Variants in GPR22 observed in about 807,000 individuals in gnomAD.
GPR22 encodes the protein G-protein coupled receptor 22.
A neutral mutation model predicts 31.0 loss-of-function variants in GPR22; 13 were observed. The ratio of observed to expected loss-of-function variants is 0.42; its 90% CI spans 0.27 to 0.67. GPR22 has a LOEUF of 0.67. Among genes scored for constraint, GPR22 ranks in the 30% least tolerant of loss-of-function variants. The pLI is 0.25. For synonymous variants in GPR22, 191 were observed against 173.4 expected, an observed-to-expected ratio of 1.10 and a Z score of -0.80; for missense variants, 368 against 509.6, an observed-to-expected ratio of 0.72 and a Z score of 2.67.
At chr7:107,476,330 T>C (rs1486659905), downstream of GPR22, among the ~76,000 whole-genome samples, 1 of 150,824 alleles carries the variant, frequency 6.6e-6, no homozygotes, top group Admixed American at 6.6e-5. Flanking sequence ...TAAATCATTA[T>C]AGAAAAGTCT....
At position 107,474,283 on chromosome 7, in the gene GPR22, T is replaced by C. The variant is rs1197358328; in HGVS notation, c.223T>C (p.Ser75Pro). 2 of 1,611,930 alleles carry C rather than the reference T, an allele frequency of 1.2e-6. No homozygotes were observed. Among genetic ancestry groups the C allele is most frequent in the Admixed American group, 1.7e-5 (1 of 59,940 alleles). ...CTGCATGAAATCCAACTTAATCAACTCTGTCAGTAACATTATTACAATGAA... is the reference window on the plus strand; with the variant it reads ...CTGCATGAAATCCAACTTAATCAACCCTGTCAGTAACATTATTACAATGAA... ...LYCMKSNLIN[S>P]VSNIITMNLH... Residue 75 changes from serine to proline, a missense_variant, in exon 3 of 3, where the codon TCT becomes CCT. Ser to Pro is a moderately conservative substitution (Grantham distance 74, BLOSUM62 -1). Coordinates refer to ENST00000304402, the MANE Select transcript of GPR22 (RefSeq NM_005295.3). This position sits in a 1 kb window ranked among gnomAD's most constrained non-coding sequence, Gnocchi z 5.7.
chr7:107,473,697 T>C (rs1378328132), intron 2 of GPR22, among the ~76,000 whole-genome samples: 1 of 151,988 alleles, frequency 6.6e-6, no homozygotes, highest in Non-Finnish European at 1.5e-5. Context: ...TGGGCTGAAA[T>C]TAATTTTGTA....
In GPR22 at chr7:107,471,556, C is replaced by T. The variant is rs909543641; in HGVS notation, c.-773C>T. 2.6e-5 allele frequency: 4 copies of T among 151,808 alleles called. No individual in the cohort carries two copies. Among genetic ancestry groups the T allele is most frequent in the South Asian group, 4.1e-4 (2 of 4,824 alleles). The allele number at this position is 151,808 out of a possible 1,614,324, so 9.4% of individuals were successfully genotyped here. On this transcript the variant is annotated 5_prime_UTR_variant, in exon 2 of 3. Transcript: ENST00000304402. ...ATGGAATATAAAAAATCAACTGTAT[C>T]CTAAGAAGATGCTACATAAAATAAC...
rs929980720 is a variant in GPR22 at position 107,475,614 on chromosome 7, C to A, written c.*252C>A. On this transcript the variant is annotated 3_prime_UTR_variant, in exon 3 of 3. Transcript: ENST00000304402. ...AATATTATGTCCAACAGAAAATATT[C>A]ATGTAAGTCATATTTTTTAAGGAAT... 1 of 326,298 alleles carries A rather than the reference C, an allele frequency of 3.1e-6. No individual in the cohort carries two copies. The highest frequency in any genetic ancestry group is 5.9e-6 in the Non-Finnish European group (1 of 170,650). The allele number at this position is 326,298 out of a possible 1,614,324, so 20.2% of individuals were successfully genotyped here.
At chr7:107,470,960 C>G (rs1796598493) in intron 1 of GPR22, among the ~76,000 whole-genome samples, 1 of 151,746 alleles carries the variant, frequency 6.6e-6, no homozygotes, top group Non-Finnish European at 1.5e-5. Flanking sequence ...AAACCATGTG[C>G]TAATAATTAG....
rs1388953181 is a variant in GPR22, at chr7:107,474,213, A to C, written c.153A>C (p.Glu51Asp). Reference protein sequence around the residue: ...QVSLTGFLMLEIVLGLGSNLT... With the variant: ...QVSLTGFLMLDIVLGLGSNLT... ...CTCTCACCGGATTTCTTATGTTAGA[A>C]ATTGTGTTGGGACTTGGCAGCAACC... The change falls in exon 3 of 3, where the codon GAA becomes GAC. Residue 51 changes from glutamate to aspartate, a missense_variant. Transcript: ENST00000304402. The surrounding 1 kb of genome is among the most constrained non-coding windows in gnomAD (Gnocchi z 5.7). 2 of 1,613,258 alleles carry C rather than the reference A, an allele frequency of 1.2e-6. No homozygotes were observed. Among genetic ancestry groups the C allele is most frequent in the Admixed American group, 3.3e-5 (2 of 59,946 alleles).
rs949869167 is a variant in GPR22, at chr7:107,471,604, C to T, written c.-725C>T. The T allele has an allele frequency of 6.6e-6, 1 of 151,916 alleles. No individual in the cohort carries two copies. Among genetic ancestry groups the T allele is most frequent in the Non-Finnish European group, 1.5e-5 (1 of 67,904 alleles). 9.4% of individuals were successfully genotyped at this position (151,916 alleles called of 1,614,324 possible). ...AACCACAAAAAGAAAAACAATATAA[C>T]TGTAAAAGCCTGAAAAGAATTTTTA... On this transcript the variant is annotated 5_prime_UTR_variant, in exon 2 of 3. Coordinates refer to ENST00000304402, the MANE Select transcript of GPR22 (RefSeq NM_005295.3).
At chr7:107,476,409 T>C (rs1797000060), downstream of GPR22, among the ~76,000 whole-genome samples, 1 of 151,420 alleles carries the variant, frequency 6.6e-6, no homozygotes, top group Admixed American at 6.6e-5. Context: ...TCCCACCAAA[T>C]CATAGCTCCC....
At position 107,475,475 on chromosome 7, in the gene GPR22, T is replaced by C; in HGVS notation, c.*113T>C. The C allele has an allele frequency of 1.7e-6, 1 of 579,602 alleles. No homozygotes were observed. The highest frequency in any genetic ancestry group is 3.0e-6 in the Non-Finnish European group (1 of 330,452). 35.9% of individuals were successfully genotyped at this position (579,602 alleles called of 1,614,324 possible). A position where few individuals can be genotyped will look rare whatever the true frequency, so the allele number is the denominator to read the frequency against. On this transcript the variant is annotated 3_prime_UTR_variant, in exon 3 of 3. Transcript: ENST00000304402. ...AATATTTTAAGTATTGGTTATGTTG[T>C]AAATTTTCAATGTGAATGTCAATTA...
chr7:107,470,184 A>G lies in GPR22; in HGVS notation c.-1219A>G, dbSNP rs1373833700. 1.3e-5 allele frequency: 2 copies of G among 152,230 alleles called. No homozygotes were observed. The highest frequency in any genetic ancestry group is 2.9e-5 in the Non-Finnish European group (2 of 68,048). The allele number at this position is 152,230 out of a possible 1,614,324, so 9.4% of individuals were successfully genotyped here. On this transcript the variant is annotated 5_prime_UTR_variant, in exon 1 of 3. An upstream start codon of the reference 5' UTR is lost. Coordinates refer to ENST00000304402, the MANE Select transcript of GPR22 (RefSeq NM_005295.3). ...TTCAGTATGTTAAATTACTTTCATTATGTATTTTCAGATGCTTATTGATTC... is the reference window on the plus strand; with the variant it reads ...TTCAGTATGTTAAATTACTTTCATTGTGTATTTTCAGATGCTTATTGATTC...
intron 2 of GPR22, among the ~76,000 whole-genome samples, chr7:107,473,383 C>T (rs1383800072): frequency 2.0e-5 from 3 of 151,786 alleles, no homozygotes; most frequent in African/African-American, 7.3e-5. Flanking sequence ...TTAAGTTTGC[C>T]AACTGCAAAG....
chr7:107,474,872 TG>T lies in GPR22; in HGVS notation c.813del (p.Met271IlefsTer10). Reference protein sequence around the residue: ...SLTTQHEATDMSQSSGGRNVV... With the variant: ...SLTTQHEATDXSQSSGGRNVV... ...ACCACACAACATGAGGCTACAGACA[TG>T]TCACAAAGCAGTGGTGGGAGAAATG... On this transcript the variant is annotated frameshift_variant, in exon 3 of 3. Transcript: ENST00000304402. LOFTEE classifies it high-confidence loss of function. The surrounding 1 kb of genome is among the most constrained non-coding windows in gnomAD (Gnocchi z 5.7). The T allele has an allele frequency of 6.2e-7, 1 of 1,613,232 alleles. No individual in the cohort carries two copies. Among genetic ancestry groups the T allele is most frequent in the Non-Finnish European group, 8.5e-7 (1 of 1,179,508 alleles).
Position 107,474,668 on chromosome 7 carries a change from A to G in GPR22, c.608A>G (p.Tyr203Cys). 6.2e-7 allele frequency: 1 copy of G among 1,609,232 alleles called. No individual in the cohort carries two copies. Among genetic ancestry groups the G allele is most frequent in the Non-Finnish European group, 8.5e-7 (1 of 1,176,072 alleles). Residue 203 changes from tyrosine (Y) to cysteine (C), a missense_variant, in exon 3 of 3, where the codon TAC becomes TGC. Physicochemically the swap from Tyr to Cys is radical, Grantham distance 194. Transcript: ENST00000304402. This position sits in a 1 kb window ranked among gnomAD's most constrained non-coding sequence, Gnocchi z 5.7. ...KTLLCVSTNE[Y>C]YTELGMYYHL... ...CTTTTATGTGTCAGTACAAATGAAT[A>G]CTACACTGAACTGGGAATGTATTAT...
downstream of GPR22, among the ~76,000 whole-genome samples, chr7:107,476,183 TTAAAAA>T (rs1360705240): frequency 2.6e-3 from 229 of 86,484 alleles, 3 homozygotes; most frequent in East Asian, 3.3e-3. Flanking sequence ...TGCAATGATT[TTAAAAA>T]AAAAAAAAAA....
In GPR22 at chr7:107,474,690, T is replaced by C. The variant is rs1166147473; in HGVS notation, c.630T>C (p.Tyr210=). The C allele has an allele frequency of 1.2e-6, 2 of 1,610,510 alleles. No homozygotes were observed. Among genetic ancestry groups the C allele is most frequent in the African/African-American group, 2.7e-5 (2 of 74,972 alleles). ...AATACTACACTGAACTGGGAATGTA[T>C]TATCACCTGTTAGTACAGATCCCAA... ...TNEYYTELGM[Y]YHLLVQIPIF... The change falls in exon 3 of 3, where the codon TAT becomes TAC. Residue 210 remains tyrosine, a synonymous_variant. Coordinates refer to ENST00000304402, the MANE Select transcript of GPR22 (RefSeq NM_005295.3). The surrounding 1 kb of genome is among the most constrained non-coding windows in gnomAD (Gnocchi z 5.7).
At chr7:107,472,881 T>G (rs908614807) in intron 2 of GPR22, 9 of 151,976 alleles carry the variant, frequency 5.9e-5, no homozygotes, top group Non-Finnish European at 4.4e-5. Context: ...TATAGTTGGT[T>G]GTATGAGTTC....
downstream of GPR22, among the ~76,000 whole-genome samples, chr7:107,476,184 TAAAAAAAAAAA>T (rs34741713): frequency 2.3e-5 from 1 of 44,070 alleles, no homozygotes; most frequent in Non-Finnish European, 4.3e-5. Context: ...GCAATGATTT[TAAAAAAAAAAA>T]AAAAAAAAAA....
rs1796648283 is a variant in GPR22 at position 107,471,783 on chromosome 7, T to C, written c.-546T>C. 1 of 152,066 alleles carries C rather than the reference T, an allele frequency of 6.6e-6. No homozygotes were observed. The highest frequency in any genetic ancestry group is 2.1e-4 in the South Asian group (1 of 4,832). 9.4% of individuals were successfully genotyped at this position (152,066 alleles called of 1,614,324 possible). A position where few individuals can be genotyped will look rare whatever the true frequency, so the allele number is the denominator to read the frequency against. On this transcript the variant is annotated 5_prime_UTR_variant, in exon 2 of 3. Coordinates refer to ENST00000304402, the MANE Select transcript of GPR22 (RefSeq NM_005295.3). The stretch of plus-strand genomic sequence containing the variant: ...GTGTTTTCTGCACTAAATATTCAGA[T>C]ATTCATATCAATTGGTATGACTAAT...
chr7:107,473,925 T>A, intron 2 of GPR22, 110 bp from the exon 3 acceptor site: 1 of 511,792 alleles, frequency 2.0e-6, no homozygotes, highest in Non-Finnish European at 3.4e-6. Flanking sequence ...TTTACAAACT[T>A]AAAAATTAAA....
Sources: gnomAD v4.1 joint callset for allele counts (sites outside exome capture counted in the v4.1 genomes callset) on GRCh38, gnomAD v4.1.1 for gene constraint, Gnocchi (gnomAD v3.1) non-coding constraint, MANE v1.5 for transcripts, NCBI Gene and HGNC (gene_info 2026-07-23, HGNC 2026-07-21) for gene names.